DCN: variants seen among roughly 807,000 people sequenced by gnomAD.
DCN encodes decorin.
In DCN, 17 loss-of-function variants were observed where a neutral mutation model predicts 36.5. The ratio of observed to expected loss-of-function variants is 0.47; its 90% confidence interval spans 0.32 to 0.70. DCN has a LOEUF of 0.70. Ranked by LOEUF, DCN falls within the 30% of genes least tolerant of loss-of-function variation. DCN has a pLI of 0.04. For synonymous variants in DCN, 163 were observed against 161.4 expected (o/e 1.01, Z -0.07); for missense variants, 389 against 430.1 (o/e 0.90, Z 0.84).
intron 2 of DCN, chr12:91,177,514 A>G: frequency 1.4e-6 from 1 of 694,582 alleles, no homozygotes. Flanking sequence ...AATGTGAATG[A>G]GCTGCCATGT....
chr12:91,158,959 CAA>C (rs537331301), intron 3 of DCN, among the ~76,000 whole-genome samples: 1 of 110,590 alleles, frequency 9.0e-6, no homozygotes, highest in Non-Finnish European at 1.9e-5. Context: ...AAGATTGTCT[CAA>C]AAAAAAAAAA....
chr12:91,154,870 T>C (rs1375924374), intron 5 of DCN, among the ~76,000 whole-genome samples: 2 of 152,260 alleles, frequency 1.3e-5, no homozygotes, highest in East Asian at 3.9e-4. Context: ...CTAACAAACC[T>C]GAGGTTATAG....
intron 1 of DCN, among the ~76,000 whole-genome samples, chr12:91,181,710 C>T (rs1255945892): frequency 6.6e-6 from 1 of 151,922 alleles, no homozygotes; most frequent in Non-Finnish European, 1.5e-5. Flanking sequence ...CTTTCAAAGT[C>T]AAAATTTAAC....
At chr12:91,173,329 C>A (rs1054089561) in intron 2 of DCN, among the ~76,000 whole-genome samples, 3 of 152,130 alleles carry the variant, frequency 2.0e-5, no homozygotes, top group African/African-American at 7.2e-5. Flanking sequence ...TCCCACACAG[C>A]TGCCTCTCTC....
At chr12:91,147,918 T>C (rs1233099230) in intron 7 of DCN, among the ~76,000 whole-genome samples, 5 of 152,184 alleles carry the variant, frequency 3.3e-5, no homozygotes, top group African/African-American at 9.7e-5. Context: ...AATTTGGCCA[T>C]AGATTTTCTT....
At chr12:91,155,815 T>C (rs1399620069) in intron 5 of DCN, among the ~76,000 whole-genome samples, 1 of 152,140 alleles carries the variant, frequency 6.6e-6, no homozygotes, top group Non-Finnish European at 1.5e-5. Flanking sequence ...TCTATGCCAG[T>C]AGTTGCTACT....
Position 91,145,977 on chromosome 12 carries a change from A to G in DCN, c.*81T>C. On this transcript the variant is annotated 3_prime_UTR_variant, in exon 8 of 8. Transcript: ENST00000052754. ...ACATCCACATTGCAGTTAGGTTTCC[A>G]GTATCTAGCTTTTATTTATTTTTTA... 6 of 1,212,060 alleles carry G rather than the reference A, an allele frequency of 5.0e-6. 1 individual carries two copies. The South Asian group carries it at 7.3e-5, about 15-fold the overall frequency. The allele number at this position is 1,212,060 out of a possible 1,614,324, so 75.1% of individuals were successfully genotyped here.
chr12:91,160,141 A>G (rs1882069236), intron 3 of DCN, among the ~76,000 whole-genome samples: 1 of 152,148 alleles, frequency 6.6e-6, no homozygotes, highest in South Asian at 2.1e-4. Context: ...TCAAAAGTTC[A>G]AAAACTTGTG....
chr12:91,151,924 G>T, intron 6 of DCN, 132 bp from the exon 7 acceptor site: 1 of 960,982 alleles, frequency 1.0e-6, no homozygotes, highest in Non-Finnish European at 1.6e-6. Context: ...TTCTTGGAGT[G>T]CTTTCTCCAA....
Position 91,153,115 on chromosome 12 carries a change from C to T in DCN, c.727G>A (p.Gly243Arg). The T allele has an allele frequency of 6.2e-7, 1 of 1,603,776 alleles. No homozygotes were observed. Among genetic ancestry groups the T allele is most frequent in the Non-Finnish European group, 8.5e-7 (1 of 1,170,760 alleles). Reference sequence around the variant, plus strand: ...TATTACTTAGCCAAATTATTCAGTCCTTTCAGGCTAGCTGCATCAACTCTG... The same window carrying T: ...TATTACTTAGCCAAATTATTCAGTCTTTTCAGGCTAGCTGCATCAACTCTG... ...ISRVDAASLK[G>R]LNNLAKLGLS... The change falls in exon 6 of 8, where the codon GGA (glycine) becomes AGA (arginine). Residue 243 changes from glycine to arginine, a missense_variant. Transcript: ENST00000052754.
intron 2 of DCN, among the ~76,000 whole-genome samples, chr12:91,167,146 G>A (rs1174518920): frequency 1.3e-5 from 2 of 151,960 alleles, no homozygotes; most frequent in African/African-American, 2.4e-5. Flanking sequence ...ATACCTATCT[G>A]TATCCCCTGA....
At chr12:91,172,882 AT>A (rs1297487368) in intron 2 of DCN, 2 of 617,130 alleles carry the variant, frequency 3.2e-6, no homozygotes, top group Non-Finnish European at 5.7e-6. Context: ...GTGAAAAAAA[AT>A]AAAATAGATA....
chr12:91,159,911 G>A (rs925989487), intron 3 of DCN, among the ~76,000 whole-genome samples: 1 of 151,984 alleles, frequency 6.6e-6, no homozygotes, highest in African/African-American at 2.4e-5. Flanking sequence ...ATGTGGAGGG[G>A]CAAAAGGGGA....
chr12:91,157,136 C>T lies in DCN; in HGVS notation c.591G>A (p.Gln197=). 1.9e-6 allele frequency: 3 copies of T among 1,613,942 alleles called. No homozygotes were observed. Among genetic ancestry groups the T allele is most frequent in the Non-Finnish European group, 2.5e-6 (3 of 1,179,894 alleles). Residue 197 remains glutamine, a synonymous_variant, in exon 5 of 8, where the codon CAG becomes CAA. Coordinates refer to ENST00000052754, the MANE Select transcript of DCN (RefSeq NM_001920.5). ...KSSGIENGAF[Q]GMKKLSYIRI... is the part of the protein sequence containing the mutation. ...GGATGTAGGAGAGCTTCTTCATTCC[C>T]TGGAAAGCCCCATTTTCAATTCCTG...
chr12:91,172,944 A>G, intron 2 of DCN: 3 of 500,926 alleles, frequency 6.0e-6, no homozygotes, highest in Non-Finnish European at 1.0e-5. Context: ...TATATAATTG[A>G]TTATTATAGA....
chr12:91,172,752 G>A, intron 2 of DCN: 1 of 700,004 alleles, frequency 1.4e-6, no homozygotes, highest in South Asian at 1.5e-5. Flanking sequence ...ACCAAGCCAT[G>A]CATATGTTCG....
intron 7 of DCN, among the ~76,000 whole-genome samples, chr12:91,148,295 G>T (rs1208984334): frequency 6.6e-6 from 1 of 151,886 alleles, no homozygotes; most frequent in African/African-American, 2.4e-5. Context: ...GGATGGTCTC[G>T]ATCTCCTGAC....
intron 3 of DCN, among the ~76,000 whole-genome samples, chr12:91,159,294 C>G (rs1882009495): frequency 6.6e-6 from 1 of 152,118 alleles, no homozygotes; most frequent in Non-Finnish European, 1.5e-5. Flanking sequence ...ATGCAAGGAA[C>G]TAAAATTTTC....
At chr12:91,152,487 T>C (rs950724704) in intron 6 of DCN, among the ~76,000 whole-genome samples, 1 of 152,090 alleles carries the variant, frequency 6.6e-6, no homozygotes, top group African/African-American at 2.4e-5. Context: ...GTTTGCCAGA[T>C]TGAAGTTATG....
Sources: gnomAD v4.1 joint callset for allele counts (sites outside exome capture counted in the v4.1 genomes callset) on GRCh38, gnomAD v4.1.1 for gene constraint, MANE v1.5 for transcripts, NCBI Gene and HGNC (gene_info 2026-07-23, HGNC 2026-07-21) for gene names.